The following TSPAN15 variants were observed in gnomAD, a reference collection of about 807,000 sequenced individuals.
The protein encoded by TSPAN15 is tetraspanin-15.
TSPAN15 carries 20 observed loss-of-function variants against 34.5 expected under a neutral mutation model. The ratio of observed to expected loss-of-function variants is 0.58; its 90% CI spans 0.41 to 0.84. The LOEUF (loss-of-function observed/expected upper bound fraction) is 0.84. Ranked by LOEUF, TSPAN15 falls within the 40% of genes least tolerant of loss-of-function variation. The pLI is 0.00. For synonymous variants in TSPAN15, 155 were observed against 153.9 expected, an observed-to-expected ratio of 1.01 and a Z score of -0.05; for missense variants, 313 against 386.1, an observed-to-expected ratio of 0.81 and a Z score of 1.59.
intron 1 of TSPAN15, among the ~76,000 whole-genome samples, chr10:69,472,276 C>T (rs1355189098): frequency 1.3e-5 from 2 of 152,126 alleles, no homozygotes; most frequent in Non-Finnish European, 2.9e-5. Context: ...TCTGGAACTC[C>T]TTATCCCTAT....
At chr10:69,485,884 G>C (rs1025787039) in intron 3 of TSPAN15, among the ~76,000 whole-genome samples, 4 of 152,190 alleles carry the variant, frequency 2.6e-5, no homozygotes, top group African/African-American at 7.2e-5. Flanking sequence ...TACCATCAGA[G>C]GCTGTTATGC....
the TSPAN15 span, among the ~76,000 whole-genome samples, chr10:69,532,942 A>G: frequency 6.6e-6 from 1 of 152,216 alleles, no homozygotes; most frequent in Non-Finnish European, 1.5e-5. Flanking sequence ...AGCATCACCA[A>G]CAATCAGGGA....
At chr10:69,489,299 T>G (rs1437667319) in intron 3 of TSPAN15, among the ~76,000 whole-genome samples, 1 of 152,180 alleles carries the variant, frequency 6.6e-6, no homozygotes, top group African/African-American at 2.4e-5. Context: ...TGAAAATCGC[T>G]GTTATTCTGT....
the TSPAN15 span, among the ~76,000 whole-genome samples, chr10:69,548,908 G>A: frequency 6.6e-6 from 1 of 151,626 alleles, no homozygotes; most frequent in African/African-American, 2.4e-5. Context: ...TTCTAGAAGG[G>A]TCATATTTCA....
chr10:69,511,631 T>C (rs2441758), downstream of TSPAN15, among the ~76,000 whole-genome samples: 59,959 of 151,996 alleles, frequency 0.39, 12,276 homozygotes, highest in African/African-American at 0.5. Flanking sequence ...AATTTGTTTG[T>C]TCTTGCTTCT....
Position 69,506,950 on chromosome 10 carries a change from C to T in TSPAN15, c.857C>T (p.Thr286Met), listed in dbSNP as rs142000918. The change falls in exon 8 of 8, where the codon ACG becomes ATG. Residue 286 changes from threonine (T) to methionine (M), a missense_variant. Coordinates refer to ENST00000373290, the MANE Select transcript of TSPAN15 (RefSeq NM_012339.5). The surrounding 1 kb of genome is among the most constrained non-coding windows in gnomAD (Gnocchi z 4.7). Reference protein sequence around the residue: ...GAKPSVEAAGTGCCLCYPN With the variant: ...GAKPSVEAAGMGCCLCYPN ...AAGCCCAGCGTGGAGGCGGCAGGCACGGGATGCTGCTTGTGCTACCCCAAT... is the reference window on the plus strand; with the variant it reads ...AAGCCCAGCGTGGAGGCGGCAGGCATGGGATGCTGCTTGTGCTACCCCAAT... 3.8e-4 allele frequency: 604 copies of T among 1,609,590 alleles called. 2 individuals are homozygous for T. Among genetic ancestry groups the T allele is most frequent in the Non-Finnish European group, 4.5e-4 (532 of 1,178,708 alleles).
chr10:69,473,528 A>AG (rs1469236249), intron 1 of TSPAN15, among the ~76,000 whole-genome samples: 3 of 151,982 alleles, frequency 2.0e-5, no homozygotes, highest in African/African-American at 7.3e-5. Context: ...CGAGAGGAGG[A>AG]GGGGGGCCGC....
At chr10:69,473,156 G>T (rs1040604381) in intron 1 of TSPAN15, among the ~76,000 whole-genome samples, 4 of 152,146 alleles carry the variant, frequency 2.6e-5, no homozygotes, top group African/African-American at 9.7e-5. Flanking sequence ...AGGGGAGGAG[G>T]GCATTTTGTT....
chr10:69,520,754 C>T, the TSPAN15 span, among the ~76,000 whole-genome samples: 1 of 152,196 alleles, frequency 6.6e-6, no homozygotes, highest in African/African-American at 2.4e-5. Flanking sequence ...ACATTTTGGC[C>T]ATTATGAACA....
chr10:69,492,251 C>T (rs1841983572), intron 3 of TSPAN15, among the ~76,000 whole-genome samples: 2 of 152,074 alleles, frequency 1.3e-5, no homozygotes, highest in African/African-American at 4.8e-5. Flanking sequence ...GAGTGGCTCC[C>T]CTGGTCTCTC....
chr10:69,475,895 A>G lies in TSPAN15; in HGVS notation c.97-7796A>G, dbSNP rs140307247. Among the ~76,000 whole-genome samples the G allele has an allele frequency of 7.9e-5, 12 of 152,310 alleles. No individual in the cohort carries two copies. The East Asian group carries it at 2.3e-3, about 29-fold the overall frequency. On this transcript the variant is annotated intron_variant, in intron 1 of 7. Transcript: ENST00000373290. ...GAGAACTGTTGTTAAAGAAGCCATA[A>G]TTCTTTAAAGAAACCATAAATTAAG... is the stretch of plus-strand genomic sequence containing the variant.
chr10:69,466,552 T>C (rs2133078390), intron 1 of TSPAN15, among the ~76,000 whole-genome samples: 1 of 152,234 alleles, frequency 6.6e-6, no homozygotes, highest in Admixed American at 6.5e-5. Context: ...CCGTATTTAC[T>C]TGAGTAAGAA....
chr10:69,533,323 G>C, the TSPAN15 span, among the ~76,000 whole-genome samples: 1 of 151,848 alleles, frequency 6.6e-6, no homozygotes, highest in Non-Finnish European at 1.5e-5. Context: ...ATATAAAACG[G>C]AATACTAAGC....
the TSPAN15 span, among the ~76,000 whole-genome samples, chr10:69,529,519 A>G: frequency 6.8e-6 from 1 of 148,068 alleles, no homozygotes; most frequent in South Asian, 2.1e-4. Context: ...ATAAGGTAAT[A>G]TTAACTTCTG....
intron 5 of TSPAN15, among the ~76,000 whole-genome samples, chr10:69,501,893 C>G (rs1278080959): frequency 6.6e-6 from 1 of 152,122 alleles, no homozygotes; most frequent in African/African-American, 2.4e-5. Flanking sequence ...TGCAAGGGAC[C>G]TAGGGTGCAT....
chr10:69,545,022 G>A, the TSPAN15 span, among the ~76,000 whole-genome samples: 2 of 152,150 alleles, frequency 1.3e-5, no homozygotes, highest in Admixed American at 6.5e-5. Context: ...GTCTCCTGAG[G>A]CACAAGGACC....
In TSPAN15 at chr10:69,495,719, G is replaced by A. The variant is rs769268912; in HGVS notation, c.453+30G>A. On this transcript the variant is annotated intron_variant, in intron 4 of 7. Transcript: ENST00000373290. ...GCCAGGCGCTTTGGGGTAGAGATGCGCCTCCCGTGCTCTTAGCCCCCCATT... is the reference window on the plus strand; with the variant it reads ...GCCAGGCGCTTTGGGGTAGAGATGCACCTCCCGTGCTCTTAGCCCCCCATT... The A allele has an allele frequency of 7.9e-5, 117 of 1,486,024 alleles. 1 individual carries two copies. Among genetic ancestry groups the A allele is most frequent in the Middle Eastern group, 3.4e-4 (2 of 5,828 alleles). 92.1% of individuals were successfully genotyped at this position (1,486,024 alleles called of 1,614,324 possible). A position where few individuals can be genotyped will look rare whatever the true frequency, so the allele number is the denominator to read the frequency against.
the TSPAN15 span, among the ~76,000 whole-genome samples, chr10:69,519,240 C>T: frequency 6.6e-6 from 1 of 152,032 alleles, no homozygotes; most frequent in African/African-American, 2.4e-5. Context: ...AATGGGAGAC[C>T]CTGTCTCTAC....
chr10:69,546,302 A>G, the TSPAN15 span, among the ~76,000 whole-genome samples: 1 of 152,186 alleles, frequency 6.6e-6, no homozygotes, highest in African/African-American at 2.4e-5. Context: ...GGAGTAGTGC[A>G]GTTTGGCAGT....
Sources: allele counts gnomAD v4.1 joint callset (sites outside exome capture counted in the v4.1 genomes callset), GRCh38; gene constraint gnomAD v4.1.1; non-coding constraint Gnocchi (gnomAD v3.1); transcripts MANE v1.5; gene names NCBI Gene and HGNC (gene_info 2026-07-23, HGNC 2026-07-21).